PACRG: variants seen among roughly 807,000 people sequenced by gnomAD.
PACRG encodes the protein parkin coregulated gene protein.
PACRG carries 29 observed loss-of-function variants against 29.7 expected under a neutral mutation model. The ratio of observed to expected loss-of-function variants is 0.98; its 90% CI spans 0.73 to 1.33. The LOEUF is 1.33. Among genes scored for constraint, PACRG ranks in the 40% most tolerant of loss-of-function variants. The probability of loss-of-function intolerance (pLI) is 0.00; values close to 1 mark genes in which losing one functional copy is unlikely to be tolerated. For synonymous variants in PACRG, 116 were observed against 118.7 expected (o/e 0.98, Z 0.15); for missense variants, 279 against 316.2 (o/e 0.88, Z 0.89).
intron 4 of PACRG, among the ~76,000 whole-genome samples, chr6:163,266,432 G>A (rs1032239330): frequency 4.5e-4 from 68 of 152,262 alleles, no homozygotes; most frequent in African/African-American, 1.6e-3. Flanking sequence ...TAAATTATTG[G>A]TTTTCTGTGA....
At chr6:163,077,233 C>T (rs751161084) in intron 3 of PACRG, among the ~76,000 whole-genome samples, 8 of 152,134 alleles carry the variant, frequency 5.3e-5, no homozygotes, top group African/African-American at 1.4e-4. Flanking sequence ...CATTCTCTCA[C>T]GTGATTCTAT....
chr6:163,029,913 C>T (rs1269470447), intron 2 of PACRG, among the ~76,000 whole-genome samples: 1 of 152,082 alleles, frequency 6.6e-6, no homozygotes, highest in Non-Finnish European at 1.5e-5. Context: ...GCTTTCAGGC[C>T]TTCCAGGAGT....
chr6:162,904,861 A>G (rs1021508457), intron 2 of PACRG, among the ~76,000 whole-genome samples: 2 of 152,238 alleles, frequency 1.3e-5, no homozygotes, highest in African/African-American at 2.4e-5. Context: ...GTGGCCGACT[A>G]TCTTTGGGTG....
At chr6:163,301,233 G>A (rs1448783853) in intron 4 of PACRG, among the ~76,000 whole-genome samples, 2 of 152,188 alleles carry the variant, frequency 1.3e-5, no homozygotes, top group African/African-American at 4.8e-5. Flanking sequence ...GAAAAATCAG[G>A]ACCTTGTGGA....
intron 4 of PACRG, among the ~76,000 whole-genome samples, chr6:163,122,294 C>A (rs1184521268): frequency 6.6e-6 from 1 of 152,094 alleles, no homozygotes; most frequent in Non-Finnish European, 1.5e-5. Context: ...TTTACACACA[C>A]ACACACACAC....
intron 2 of PACRG, among the ~76,000 whole-genome samples, chr6:163,059,821 A>G (rs1422742727): frequency 2.0e-5 from 3 of 152,168 alleles, no homozygotes; most frequent in African/African-American, 7.2e-5. Flanking sequence ...CATCACAAAC[A>G]TTGGTGTTAT....
At chr6:162,872,494 A>G (rs539244053) in intron 2 of PACRG, among the ~76,000 whole-genome samples, 24 of 152,340 alleles carry the variant, frequency 1.6e-4, no homozygotes, top group African/African-American at 4.1e-4. Context: ...ACTTTTGTCT[A>G]TAAGAAATTG....
chr6:163,114,653 CA>C (rs1225694331), intron 4 of PACRG, among the ~76,000 whole-genome samples: 1 of 151,896 alleles, frequency 6.6e-6, no homozygotes, highest in Non-Finnish European at 1.5e-5. Context: ...CTAAAATAAT[CA>C]AACTTAAAGA....
intron 4 of PACRG, among the ~76,000 whole-genome samples, chr6:163,213,552 A>G (rs1389024492): frequency 7.2e-5 from 11 of 152,154 alleles, no homozygotes; most frequent in Admixed American, 7.2e-4. Context: ...ACACTGAACT[A>G]TTTAGGTTCT....
At chr6:162,793,712 G>A (rs1024218026) in intron 1 of PACRG, among the ~76,000 whole-genome samples, 1 of 152,314 alleles carries the variant, frequency 6.6e-6, no homozygotes, top group African/African-American at 2.4e-5. Flanking sequence ...AGTCAAAAAT[G>A]TACAATTTGG....
chr6:163,198,440 A>G (rs149425927), intron 4 of PACRG, among the ~76,000 whole-genome samples: 54 of 152,168 alleles, frequency 3.5e-4, no homozygotes, highest in African/African-American at 1.1e-3. Context: ...AGCACTTTAC[A>G]TGTGTGTGTG....
rs1384276217 is a variant in PACRG at position 162,830,031 on chromosome 6, G to A, written c.291+15750G>A. On this transcript the variant is annotated intron_variant, in intron 2 of 4. Coordinates refer to ENST00000366888, the MANE Select transcript of PACRG (RefSeq NM_001080379.2). The stretch of plus-strand genomic sequence containing the variant: ...GGCTGCAGTAAACAGGAGGAAGGGC[G>A]TGGTCCACTCTCAGAATGCTGTCAT... Among the ~76,000 whole-genome samples, 6 of 152,156 alleles carry A rather than the reference G, an allele frequency of 3.9e-5. No individual in the cohort carries two copies. In the South Asian group the frequency reaches 6.2e-4, roughly 16 times the overall value.
At chr6:163,270,837 C>CA (rs1305880658) in intron 4 of PACRG, among the ~76,000 whole-genome samples, 10 of 152,198 alleles carry the variant, frequency 6.6e-5, no homozygotes, top group Admixed American at 6.5e-4. Context: ...GATTTCCCTA[C>CA]ATCTTCTCCA....
At chr6:163,044,334 AT>A (rs1256108372) in intron 2 of PACRG, among the ~76,000 whole-genome samples, 1 of 151,904 alleles carries the variant, frequency 6.6e-6, no homozygotes, top group Non-Finnish European at 1.5e-5. Context: ...GGCCCGTCTG[AT>A]TTTTAAATTT....
At chr6:162,932,132 G>A (rs1167503077) in intron 2 of PACRG, among the ~76,000 whole-genome samples, 2 of 151,986 alleles carry the variant, frequency 1.3e-5, no homozygotes, top group African/African-American at 4.8e-5. Flanking sequence ...TCTAAAAAAA[G>A]TAATGTTGAA....
At chr6:162,870,640 A>G (rs190241533) in intron 2 of PACRG, among the ~76,000 whole-genome samples, 42 of 152,242 alleles carry the variant, frequency 2.8e-4, no homozygotes, top group African/African-American at 9.6e-4. Context: ...GCGTCCTCAT[A>G]GCTTAGCTCC....
At chr6:163,113,133 A>G (rs560261746) in intron 4 of PACRG, among the ~76,000 whole-genome samples, 3 of 152,338 alleles carry the variant, frequency 2.0e-5, no homozygotes, top group South Asian at 4.1e-4. Context: ...ATACAAAAGC[A>G]TGTTAGAGTG....
chr6:163,265,412 C>G (rs545441883), intron 4 of PACRG, among the ~76,000 whole-genome samples: 2 of 152,098 alleles, frequency 1.3e-5, no homozygotes, highest in Non-Finnish European at 2.9e-5. Context: ...GTGGGGGGCA[C>G]TCTTCGGGCC....
intron 2 of PACRG, among the ~76,000 whole-genome samples, chr6:162,934,667 T>C (rs1320956766): frequency 6.6e-6 from 1 of 152,212 alleles, no homozygotes; most frequent in Non-Finnish European, 1.5e-5. Context: ...TCTTTCTTCC[T>C]CTTTTATTGT....
Sources: allele counts gnomAD v4.1 joint callset (sites outside exome capture counted in the v4.1 genomes callset), GRCh38; gene constraint gnomAD v4.1.1; transcripts MANE v1.5; gene names NCBI Gene and HGNC (gene_info 2026-07-23, HGNC 2026-07-21).